NAF1: variants seen among roughly 807,000 people sequenced by gnomAD.
The protein encoded by NAF1 is H/ACA ribonucleoprotein complex non-core subunit NAF1.
NAF1 carries 11 observed loss-of-function variants against 40.6 expected under a neutral mutation model. That is an observed-to-expected ratio of 0.27 (90% CI 0.17 to 0.45). The LOEUF (loss-of-function observed/expected upper bound fraction) is 0.45. Among genes scored for constraint, NAF1 ranks in the 20% least tolerant of loss-of-function variants. The pLI, the probability that NAF1 is intolerant of heterozygous loss-of-function variation, is 1.00. For missense variants in NAF1, 607 were observed against 611.1 expected (o/e 0.99, Z 0.07); for synonymous variants, 260 against 228.5 (o/e 1.14, Z -1.24).
At chr4:163,136,340 A>C (rs558011752) in intron 6 of NAF1, 5 of 139,364 alleles carry the variant, frequency 3.6e-5, no homozygotes, top group Non-Finnish European at 6.4e-5. Context: ...TTAAAAAAAA[A>C]AAAAACAAAA....
At chr4:163,104,162 T>C in the NAF1 span, among the ~76,000 whole-genome samples, 2 of 152,090 alleles carry the variant, frequency 1.3e-5, no homozygotes, top group South Asian at 4.2e-4. Flanking sequence ...TCAGTTAAGG[T>C]GGGGCAGAAA....
At chr4:163,121,802 T>A (rs2110841222), downstream of NAF1, among the ~76,000 whole-genome samples, 1 of 152,324 alleles carries the variant, frequency 6.6e-6, no homozygotes, top group South Asian at 2.1e-4. Context: ...GTGTCCTAAG[T>A]AAAGAATTTC....
chr4:163,104,392 G>A, the NAF1 span, among the ~76,000 whole-genome samples: 1 of 152,134 alleles, frequency 6.6e-6, no homozygotes, highest in Middle Eastern at 3.4e-3. Context: ...CATAAAAATA[G>A]GTTTTCAATA....
intron 2 of NAF1, among the ~76,000 whole-genome samples, chr4:163,115,976 CAT>C (rs1730325635): frequency 6.6e-6 from 1 of 152,156 alleles, no homozygotes. Context: ...CTAATATCAT[CAT>C]GACACTAAAT....
intron 7 of NAF1, among the ~76,000 whole-genome samples, chr4:163,130,958 A>C (rs1441644551): frequency 6.6e-6 from 1 of 152,198 alleles, no homozygotes; most frequent in East Asian, 1.9e-4. Context: ...AGCTCACTGC[A>C]ACCTCCGCTG....
chr4:163,160,514 A>T (rs1189043361), intron 2 of NAF1, among the ~76,000 whole-genome samples: 1 of 152,206 alleles, frequency 6.6e-6, no homozygotes, highest in Non-Finnish European at 1.5e-5. Flanking sequence ...TGCATTGTAC[A>T]TAGTTAGATC....
At chr4:163,122,084 T>C (rs1006948926), downstream of NAF1, among the ~76,000 whole-genome samples, 1 of 152,120 alleles carries the variant, frequency 6.6e-6, no homozygotes, top group Non-Finnish European at 1.5e-5. Flanking sequence ...TGAAAGAAAA[T>C]ACATACAAAT....
intron 4 of NAF1, among the ~76,000 whole-genome samples, chr4:163,141,645 CAT>C (rs1731266714): frequency 2.0e-5 from 3 of 152,266 alleles, no homozygotes; most frequent in South Asian, 2.1e-4. Flanking sequence ...CCATGATAAA[CAT>C]ATATAAATCA....
At chr4:163,128,253 G>A (rs1002808033), downstream of NAF1, among the ~76,000 whole-genome samples, 1 of 152,074 alleles carries the variant, frequency 6.6e-6, no homozygotes, top group African/African-American at 2.4e-5. Context: ...CCTTTTAGGA[G>A]GTTAAATAGT....
At position 163,151,917 on chromosome 4, in the gene NAF1, T is replaced by C. The variant is rs1731724516; in HGVS notation, c.541-3483A>G. On this transcript the variant is annotated intron_variant, in intron 2 of 7. Transcript: ENST00000274054. Reference sequence around the variant, plus strand: ...TAATATATTTTATTGCTATTACAAATAGACCCTTTATAGGGTATTGCTTGA... The same window carrying C: ...TAATATATTTTATTGCTATTACAAACAGACCCTTTATAGGGTATTGCTTGA... 1.3e-5 allele frequency among the ~76,000 whole-genome samples: 2 copies of C among 152,280 alleles called. 1 individual carries two copies. The highest frequency in any genetic ancestry group is 4.1e-4 in the South Asian group (2 of 4,828).
Position 163,128,832 on chromosome 4 carries a change from T to TG in NAF1, c.*64dup. The TG allele has an allele frequency of 7.0e-7, 1 of 1,429,972 alleles. No individual in the cohort carries two copies. The highest frequency in any genetic ancestry group is 9.3e-7 in the Non-Finnish European group (1 of 1,078,184). The allele number at this position is 1,429,972 out of a possible 1,614,324, so 88.6% of individuals were successfully genotyped here. ...AAAAATCTAGCTCCATAATCACTCT[T>TG]GAAAAAAAAAAATCCTTACCACATA... On this transcript the variant is annotated 3_prime_UTR_variant, in exon 8 of 8. Coordinates refer to ENST00000274054, the MANE Select transcript of NAF1 (RefSeq NM_138386.3).
At chr4:163,122,506 A>G (rs1359602582), downstream of NAF1, among the ~76,000 whole-genome samples, 1 of 152,204 alleles carries the variant, frequency 6.6e-6, no homozygotes, top group African/African-American at 2.4e-5. Flanking sequence ...ACATATTAAT[A>G]ATTTAGTTTC....
intron 4 of NAF1, 123 bp from the exon 5 acceptor site, chr4:163,140,506 G>T: frequency 1.3e-6 from 1 of 745,518 alleles, no homozygotes; most frequent in Non-Finnish European, 2.1e-6. Context: ...CAGTGTTAGG[G>T]CAATAAAATA....
At chr4:163,147,149 AAAG>A (rs1382041682) in intron 3 of NAF1, among the ~76,000 whole-genome samples, 1 of 152,192 alleles carries the variant, frequency 6.6e-6, no homozygotes, top group Non-Finnish European at 1.5e-5. Context: ...TTATTTTTGA[AAAG>A]AAGGTTCATT....
chr4:163,144,803 T>A (rs887158783), intron 4 of NAF1, among the ~76,000 whole-genome samples: 2 of 152,180 alleles, frequency 1.3e-5, no homozygotes, highest in Non-Finnish European at 2.9e-5. Flanking sequence ...ATTAGTCACA[T>A]TTACAGGTCT....
intron 7 of NAF1, among the ~76,000 whole-genome samples, chr4:163,132,906 A>G (rs1226252913): frequency 6.6e-6 from 1 of 152,238 alleles, no homozygotes; most frequent in Non-Finnish European, 1.5e-5. Flanking sequence ...GCAAATAGGT[A>G]TCTTAAGAAA....
Position 163,166,832 on chromosome 4 carries a change from G to T in NAF1, c.-105C>A. 2 of 1,448,308 alleles carry T rather than the reference G, an allele frequency of 1.4e-6. No homozygotes were observed. Among genetic ancestry groups the T allele is most frequent in the South Asian group, 1.4e-5 (1 of 70,538 alleles). The allele number at this position is 1,448,308 out of a possible 1,614,324, so 89.7% of individuals were successfully genotyped here. A position where few individuals can be genotyped will look rare whatever the true frequency, so the allele number is the denominator to read the frequency against. Reference sequence around the variant, plus strand: ...CAACTTAGGCAACCGCAGCAACACTGCCTGGGCCCAACTTCCCGCGTTTCT... The same window carrying T: ...CAACTTAGGCAACCGCAGCAACACTTCCTGGGCCCAACTTCCCGCGTTTCT... On this transcript the variant is annotated 5_prime_UTR_variant, in exon 1 of 8. Coordinates refer to ENST00000274054, the MANE Select transcript of NAF1 (RefSeq NM_138386.3).
chr4:163,166,804 A>G lies in NAF1; in HGVS notation c.-77T>C, dbSNP rs980516277. The G allele has an allele frequency of 3.9e-6, 6 of 1,548,186 alleles. No individual in the cohort carries two copies. In the African/African-American group the frequency reaches 7.0e-5, roughly 18 times the overall value. On this transcript the variant is annotated 5_prime_UTR_variant, in exon 1 of 8. Coordinates refer to ENST00000274054, the MANE Select transcript of NAF1 (RefSeq NM_138386.3). ...CTCACGGCTCTCTCCAGAAATAGAA[A>G]AACAACTTAGGCAACCGCAGCAACA...
chr4:163,151,272 C>T (rs1433200448), intron 2 of NAF1, among the ~76,000 whole-genome samples: 1 of 151,756 alleles, frequency 6.6e-6, no homozygotes, highest in Non-Finnish European at 1.5e-5. Flanking sequence ...AGTATATATA[C>T]ATATTTGGCT....
Sources: gnomAD v4.1 joint callset for allele counts (sites outside exome capture counted in the v4.1 genomes callset) on GRCh38, gnomAD v4.1.1 for gene constraint, MANE v1.5 for transcripts, NCBI Gene and HGNC (gene_info 2026-07-23, HGNC 2026-07-21) for gene names.